BASP1: variants seen among roughly 807,000 people sequenced by gnomAD.
The protein encoded by BASP1 is brain acid soluble protein 1.
BASP1 carries 1 observed loss-of-function variant against 2.2 expected under a neutral mutation model. The ratio of observed to expected loss-of-function variants is 0.46; its 90% CI spans 0.16 to 2.17. BASP1 has a LOEUF of 2.17. Ranked by LOEUF, BASP1 falls within the 30% of genes most tolerant of loss-of-function variation. BASP1 has a pLI of 0.27. For synonymous variants in BASP1, 187 were observed against 154.2 expected (o/e 1.21, Z -1.58); for missense variants, 352 against 327.2 (o/e 1.08, Z -0.58).
chr5:17,237,208 G>T (rs1399727140), intron 1 of BASP1, among the ~76,000 whole-genome samples: 3 of 152,156 alleles, frequency 2.0e-5, no homozygotes, highest in Non-Finnish European at 4.4e-5. Flanking sequence ...GCTGGGCGTG[G>T]TGGTGGGCGC....
At chr5:17,225,488 G>T (rs1006810472) in intron 1 of BASP1, among the ~76,000 whole-genome samples, 3 of 152,148 alleles carry the variant, frequency 2.0e-5, no homozygotes, top group African/African-American at 7.2e-5. Context: ...TATATGGCAT[G>T]CACTGAAATA....
chr5:17,272,666 G>T (rs928084803), intron 1 of BASP1, among the ~76,000 whole-genome samples: 6 of 152,176 alleles, frequency 3.9e-5, no homozygotes, highest in African/African-American at 1.4e-4. Flanking sequence ...AATATAACCA[G>T]TAGAGGTAAA....
At chr5:17,239,260 A>T (rs1373920671) in intron 1 of BASP1, among the ~76,000 whole-genome samples, 1 of 151,810 alleles carries the variant, frequency 6.6e-6, no homozygotes, top group African/African-American at 2.4e-5. Context: ...TATCTGGCTA[A>T]TTTTTTGTAT....
intron 1 of BASP1, among the ~76,000 whole-genome samples, chr5:17,221,056 TATGA>T (rs1185117856): frequency 6.6e-6 from 1 of 152,246 alleles, no homozygotes; most frequent in African/African-American, 2.4e-5. Context: ...TCTAAAATCT[TATGA>T]ATAACTTGAA....
At chr5:17,229,784 GTTTT>G (rs60139148) in intron 1 of BASP1, among the ~76,000 whole-genome samples, 13 of 128,900 alleles carry the variant, frequency 1.0e-4, no homozygotes, top group Non-Finnish European at 1.1e-4. Context: ...GTAGGATTGG[GTTTT>G]TTTTTTTTTT....
chr5:17,227,016 C>G (rs951130263), intron 1 of BASP1, among the ~76,000 whole-genome samples: 1 of 151,144 alleles, frequency 6.6e-6, no homozygotes, highest in African/African-American at 2.4e-5. Flanking sequence ...GCAACCTCAG[C>G]CTCCTGGGTT....
At chr5:17,274,462 T>C (rs558010178) in intron 1 of BASP1, among the ~76,000 whole-genome samples, 30 of 152,344 alleles carry the variant, frequency 2.0e-4, no homozygotes, top group African/African-American at 7.0e-4. Flanking sequence ...TGATTTGTGC[T>C]TTATTACAGC....
intron 1 of BASP1, among the ~76,000 whole-genome samples, chr5:17,238,316 G>A (rs1485674369): frequency 2.0e-5 from 3 of 150,586 alleles, no homozygotes; most frequent in Middle Eastern, 3.2e-3. Context: ...TTTTTTTATC[G>A]AAACCAAAAT....
At chr5:17,272,931 G>A (rs1740558872) in intron 1 of BASP1, among the ~76,000 whole-genome samples, 1 of 152,100 alleles carries the variant, frequency 6.6e-6, no homozygotes, top group Non-Finnish European at 1.5e-5. Context: ...TTCATGCTGT[G>A]GGTGTCAGAA....
At chr5:17,254,503 C>T (rs1245066949) in intron 1 of BASP1, among the ~76,000 whole-genome samples, 2 of 152,168 alleles carry the variant, frequency 1.3e-5, no homozygotes, top group Non-Finnish European at 2.9e-5. Context: ...TTTGGAAATG[C>T]AGTTCTGTCA....
chr5:17,227,471 G>A (rs898240823), intron 1 of BASP1, among the ~76,000 whole-genome samples: 4 of 150,878 alleles, frequency 2.7e-5, no homozygotes, highest in East Asian at 2.0e-4. Context: ...GCACGATCTC[G>A]GCTCACTGCA....
chr5:17,227,461 G>T (rs1739536421), intron 1 of BASP1, among the ~76,000 whole-genome samples: 1 of 151,870 alleles, frequency 6.6e-6, no homozygotes, highest in African/African-American at 2.4e-5. Flanking sequence ...GAGTGCAGTG[G>T]CACGATCTCG....
At chr5:17,257,614 G>C (rs1740240762) in intron 1 of BASP1, among the ~76,000 whole-genome samples, 1 of 152,090 alleles carries the variant, frequency 6.6e-6, no homozygotes, top group Admixed American at 6.5e-5. Flanking sequence ...GTTCACTGAG[G>C]CTGACTCCCT....
chr5:17,244,351 CAT>C (rs1164045851), intron 1 of BASP1, among the ~76,000 whole-genome samples: 1 of 152,152 alleles, frequency 6.6e-6, no homozygotes. Context: ...AAACCTCAAA[CAT>C]AAAACATAAT....
intron 1 of BASP1, among the ~76,000 whole-genome samples, chr5:17,246,887 C>A (rs1463641338): frequency 2.0e-5 from 3 of 152,146 alleles, no homozygotes; most frequent in Non-Finnish European, 4.4e-5. Flanking sequence ...TACCTTGTAT[C>A]ACCTTATAAA....
Position 17,236,437 on chromosome 5 carries a change from G to A in BASP1, c.-10+18627G>A, listed in dbSNP as rs1739750175. The stretch of plus-strand genomic sequence containing the variant: ...TGCCACCATGCCTGGCTAATTTTTT[G>A]TATTTTTAGTAGAGACGGGGTTTCG... On this transcript the variant is annotated intron_variant, in intron 1 of 1. Coordinates refer to ENST00000322611, the MANE Select transcript of BASP1 (RefSeq NM_006317.5). This position sits in a 1 kb window ranked among gnomAD's most constrained non-coding sequence, Gnocchi z 4.0. Among the ~76,000 whole-genome samples the A allele has an allele frequency of 6.6e-6, 1 of 152,164 alleles. No homozygotes were observed. The highest frequency in any genetic ancestry group is 1.9e-4 in the East Asian group (1 of 5,166).
intron 1 of BASP1, among the ~76,000 whole-genome samples, chr5:17,246,697 TA>T (rs1247525616): frequency 1.3e-5 from 2 of 152,232 alleles, no homozygotes; most frequent in Non-Finnish European, 2.9e-5. Flanking sequence ...CTTCTTAGGA[TA>T]TTTGTAACTT....
chr5:17,244,009 A>C (rs1412242191), intron 1 of BASP1, among the ~76,000 whole-genome samples: 1 of 152,248 alleles, frequency 6.6e-6, no homozygotes, highest in Non-Finnish European at 1.5e-5. Context: ...ATTGTAAACT[A>C]TCAGCTAGGG....
Position 17,251,241 on chromosome 5 carries a change from G to A in BASP1, c.-9-23967G>A, listed in dbSNP as rs149648875. 1.4e-4 allele frequency among the ~76,000 whole-genome samples: 22 copies of A among 151,952 alleles called. No individual in the cohort carries two copies. The highest frequency in any genetic ancestry group is 3.9e-4 in the East Asian group (2 of 5,176). On this transcript the variant is annotated intron_variant, in intron 1 of 1. Coordinates refer to ENST00000322611, the MANE Select transcript of BASP1 (RefSeq NM_006317.5). This position sits in a 1 kb window ranked among gnomAD's most constrained non-coding sequence, Gnocchi z 4.0. ...AACCATTAAATATCCCAAATACCCC[G>A]ATTTTATCATTACACATTGTATACA...
Sources: allele counts gnomAD v4.1 joint callset (sites outside exome capture counted in the v4.1 genomes callset), GRCh38; gene constraint gnomAD v4.1.1; non-coding constraint Gnocchi (gnomAD v3.1); transcripts MANE v1.5; gene names NCBI Gene and HGNC (gene_info 2026-07-23, HGNC 2026-07-21).